SETBP1: variants seen among roughly 807,000 people sequenced by gnomAD.
SETBP1 encodes SET-binding protein.
In SETBP1, 9 loss-of-function variants were observed where a neutral mutation model predicts 101.0. The observed-to-expected ratio is 0.09, with a 90% CI of 0.05 to 0.16. The LOEUF (loss-of-function observed/expected upper bound fraction) is 0.16, where lower values mean the gene tolerates loss of function less well. Ranked by LOEUF, SETBP1 falls within the 10% of genes least tolerant of loss-of-function variation. The probability of loss-of-function intolerance (pLI) is 1.00; values close to 1 mark genes in which losing one functional copy is unlikely to be tolerated. For synonymous variants in SETBP1, 818 were observed against 788.5 expected, an observed-to-expected ratio of 1.04 and a Z score of -0.63; for missense variants, 1,858 against 2,033.8, an observed-to-expected ratio of 0.91 and a Z score of 1.66.
chr18:44,713,286 C>G (rs2144283712), intron 2 of SETBP1, among the ~76,000 whole-genome samples: 1 of 152,208 alleles, frequency 6.6e-6, no homozygotes, highest in Middle Eastern at 3.4e-3. Context: ...ACAAAACACC[C>G]CTTTCCAACT....
At chr18:45,040,150 C>G (rs897220731) in intron 5 of SETBP1, among the ~76,000 whole-genome samples, 16 of 152,164 alleles carry the variant, frequency 1.1e-4, no homozygotes, top group Admixed American at 9.2e-4. Flanking sequence ...AACTCTTGCT[C>G]TGAAGGAATG....
intron 2 of SETBP1, among the ~76,000 whole-genome samples, chr18:44,728,406 G>C (rs1456027040): frequency 2.6e-5 from 4 of 152,160 alleles, no homozygotes; most frequent in Admixed American, 2.6e-4. Context: ...AAAAGTCACT[G>C]TTTTGTTTCA....
At position 44,950,675 on chromosome 18, in the gene SETBP1, T is replaced by C. The variant is rs762032062; in HGVS notation, c.1335T>C (p.Ser445=). Residue 445 remains serine (S), a synonymous_variant, in exon 4 of 6, where the codon AGT becomes AGC. Transcript: ENST00000649279. The part of the protein sequence containing the change: ...KALASGITMS[S]EVVNRILSNS... ...TGGCTTCTGGAATCACCATGAGCAG[T>C]GAAGTAGTTAACAGGATACTTTCCA... is the stretch of plus-strand genomic sequence containing the variant. The C allele has an allele frequency of 6.2e-7, 1 of 1,613,982 alleles. No homozygotes were observed. Among genetic ancestry groups the C allele is most frequent in the African/African-American group, 1.3e-5 (1 of 74,902 alleles).
At chr18:44,757,316 G>A (rs2144568324) in intron 2 of SETBP1, among the ~76,000 whole-genome samples, 1 of 152,300 alleles carries the variant, frequency 6.6e-6, no homozygotes, top group South Asian at 2.1e-4. Context: ...GTCTCCATTA[G>A]TGGTTTACCA....
intron 2 of SETBP1, among the ~76,000 whole-genome samples, chr18:44,715,887 C>T (rs2069451023): frequency 2.0e-5 from 3 of 152,204 alleles, no homozygotes. Context: ...ATACCCACCA[C>T]ATGGTGTAAT....
At chr18:45,033,175 AATT>A (rs2073331730) in intron 4 of SETBP1, among the ~76,000 whole-genome samples, 1 of 152,214 alleles carries the variant, frequency 6.6e-6, no homozygotes, top group African/African-American at 2.4e-5. Context: ...TTAGCGAGGG[AATT>A]ATTATCAAGT....
At chr18:44,711,551 G>A (rs1262749698) in intron 2 of SETBP1, among the ~76,000 whole-genome samples, 1 of 146,316 alleles carries the variant, frequency 6.8e-6, no homozygotes, top group Non-Finnish European at 1.5e-5. Context: ...TTTAAAACAG[G>A]GTCTTGCTCT....
chr18:44,969,114 C>A (rs2071784277), intron 4 of SETBP1, among the ~76,000 whole-genome samples: 1 of 152,146 alleles, frequency 6.6e-6, no homozygotes, highest in Non-Finnish European at 1.5e-5. Flanking sequence ...TGTGCTTTCT[C>A]CTCATATCCA....
At chr18:44,855,778 T>C (rs943674761) in intron 2 of SETBP1, among the ~76,000 whole-genome samples, 1 of 152,234 alleles carries the variant, frequency 6.6e-6, no homozygotes, top group Non-Finnish European at 1.5e-5. Context: ...CATGGTGTGC[T>C]CAGATCTGCC....
intron 2 of SETBP1, among the ~76,000 whole-genome samples, chr18:44,817,138 AG>A (rs2144860639): frequency 6.6e-6 from 1 of 152,328 alleles, no homozygotes; most frequent in Admixed American, 6.5e-5. Context: ...GACTTTATGT[AG>A]TGATTAGGGT....
At chr18:44,964,873 T>C (rs76823947) in intron 4 of SETBP1, among the ~76,000 whole-genome samples, 1 of 152,206 alleles carries the variant, frequency 6.6e-6, no homozygotes, top group Admixed American at 6.5e-5. Flanking sequence ...TTCTCTTAAG[T>C]GTTTTCCCAG....
chr18:44,941,802 G>A (rs1055709760), intron 3 of SETBP1, among the ~76,000 whole-genome samples: 1 of 151,670 alleles, frequency 6.6e-6, no homozygotes, highest in Admixed American at 6.6e-5. Context: ...TTCAGATTTA[G>A]AATTTTCATT....
At chr18:44,839,258 T>C (rs1376408297) in intron 2 of SETBP1, among the ~76,000 whole-genome samples, 1 of 152,146 alleles carries the variant, frequency 6.6e-6, no homozygotes, top group Admixed American at 6.5e-5. Flanking sequence ...GGGATCAGGG[T>C]GAAGAGCCAC....
intron 4 of SETBP1, among the ~76,000 whole-genome samples, chr18:45,002,347 G>C (rs1239844843): frequency 1.4e-5 from 2 of 143,670 alleles, no homozygotes; most frequent in East Asian, 4.2e-4. Context: ...CCTTTGCCGT[G>C]TTATAAACAA....
chr18:44,904,369 G>A (rs183613139), intron 3 of SETBP1, among the ~76,000 whole-genome samples: 34 of 152,170 alleles, frequency 2.2e-4, no homozygotes, highest in African/African-American at 7.7e-4. Context: ...TGTTTCATGG[G>A]CATATGTCAC....
chr18:44,962,512 A>G (rs750479518), intron 4 of SETBP1, among the ~76,000 whole-genome samples: 32 of 152,192 alleles, frequency 2.1e-4, no homozygotes, highest in Non-Finnish European at 4.0e-4. Context: ...CCTGTCCTCA[A>G]TGACCTTATA....
intron 4 of SETBP1, among the ~76,000 whole-genome samples, chr18:44,997,318 GCACA>G: frequency 6.6e-6 from 1 of 152,104 alleles, no homozygotes; most frequent in Non-Finnish European, 1.5e-5. Flanking sequence ...TCTCCAGCAA[GCACA>G]CACACCTTCC....
At chr18:44,861,816 C>T (rs957687007) in intron 2 of SETBP1, among the ~76,000 whole-genome samples, 4 of 152,180 alleles carry the variant, frequency 2.6e-5, no homozygotes, top group Non-Finnish European at 5.9e-5. Flanking sequence ...AGAAGATGCC[C>T]TACATAAAAT....
intron 2 of SETBP1, among the ~76,000 whole-genome samples, chr18:44,753,067 T>C (rs536080418): frequency 7.3e-4 from 111 of 152,348 alleles, no homozygotes; most frequent in Admixed American, 1.6e-3. Context: ...TATGGTTTTT[T>C]TATGTTACAT....
Sources: allele counts gnomAD v4.1 joint callset (sites outside exome capture counted in the v4.1 genomes callset), GRCh38; gene constraint gnomAD v4.1.1; transcripts MANE v1.5; gene names NCBI Gene and HGNC (gene_info 2026-07-23, HGNC 2026-07-21).